STXBP5L: variants seen among roughly 807,000 people sequenced by gnomAD.
STXBP5L encodes the protein syntaxin-binding protein 5-like.
STXBP5L carries 65 observed loss-of-function variants against 144.5 expected under a neutral mutation model. The observed-to-expected ratio is 0.45, with a 90% CI of 0.37 to 0.55. The LOEUF (loss-of-function observed/expected upper bound fraction) is 0.55. STXBP5L is among the 20% of genes least tolerant of loss of function. The probability of loss-of-function intolerance (pLI) is 0.00; values close to 1 mark genes in which losing one functional copy is unlikely to be tolerated. For synonymous variants in STXBP5L, 505 were observed against 469.6 expected (o/e 1.08, Z -0.97); for missense variants, 1,298 against 1,405.5 (o/e 0.92, Z 1.22).
intron 3 of STXBP5L, among the ~76,000 whole-genome samples, chr3:120,961,038 A>G (rs1300315272): frequency 6.6e-6 from 1 of 152,006 alleles, no homozygotes; most frequent in Non-Finnish European, 1.5e-5. Flanking sequence ...ATTTCTTCAT[A>G]TTTCAATCTT....
rs186688940 is a variant in STXBP5L, at chr3:121,419,120, T to C, written c.*23T>C. The C allele has an allele frequency of 7.9e-5, 127 of 1,607,604 alleles. No individual in the cohort carries two copies. The African/African-American group carries it at 1.3e-3, about 17-fold the overall frequency. ...TGACTTCTAAAGAAGCTGTGACTGCTTTGAGAAACCATATTCAGGGAAACC... is the reference window on the plus strand; with the variant it reads ...TGACTTCTAAAGAAGCTGTGACTGCCTTGAGAAACCATATTCAGGGAAACC... On this transcript the variant is annotated 3_prime_UTR_variant, in exon 27 of 27. Coordinates refer to ENST00000471454, the MANE Select transcript of STXBP5L (RefSeq NM_001308330.2).
intron 4 of STXBP5L, 126 bp downstream of exon 4, chr3:121,041,907 A>G (rs548753492): frequency 3.2e-6 from 2 of 615,924 alleles, no homozygotes; most frequent in Non-Finnish European, 5.6e-6. Context: ...ATTACTTCTG[A>G]TTATATTTTT....
chr3:121,213,366 T>C (rs1238100464), intron 10 of STXBP5L, among the ~76,000 whole-genome samples: 1 of 152,222 alleles, frequency 6.6e-6, no homozygotes, highest in Non-Finnish European at 1.5e-5. Flanking sequence ...ATAGCTCTTA[T>C]TATTTTGAAA....
chr3:121,336,194 C>T (rs1388668276), intron 20 of STXBP5L, among the ~76,000 whole-genome samples: 2 of 152,210 alleles, frequency 1.3e-5, no homozygotes, highest in Non-Finnish European at 2.9e-5. Flanking sequence ...TAGAGAAATG[C>T]AAATCAAAAC....
intron 9 of STXBP5L, among the ~76,000 whole-genome samples, chr3:121,187,393 G>A (rs960877421): frequency 3.9e-5 from 5 of 129,520 alleles, no homozygotes; most frequent in Non-Finnish European, 8.0e-5. Context: ...ACACACTGGG[G>A]CCTGTTGTAG....
intron 5 of STXBP5L, among the ~76,000 whole-genome samples, chr3:121,065,674 C>T (rs2041509138): frequency 6.6e-6 from 1 of 152,132 alleles, no homozygotes; most frequent in Non-Finnish European, 1.5e-5. Context: ...TCCCAAGTAT[C>T]TGGAATATCT....
intron 12 of STXBP5L, among the ~76,000 whole-genome samples, chr3:121,235,467 T>C (rs910527537): frequency 1.3e-5 from 2 of 152,148 alleles, no homozygotes; most frequent in African/African-American, 4.8e-5. Context: ...TTTTGCCTAC[T>C]CTTTGCCAAT....
chr3:121,086,896 C>T (rs190194685), intron 5 of STXBP5L, among the ~76,000 whole-genome samples: 3 of 152,118 alleles, frequency 2.0e-5, no homozygotes, highest in Middle Eastern at 3.4e-3. Context: ...GATAAAATCA[C>T]CTAATGATGC....
intron 2 of STXBP5L, among the ~76,000 whole-genome samples, chr3:120,924,359 ACTT>A (rs1398911287): frequency 6.6e-6 from 1 of 152,178 alleles, no homozygotes; most frequent in Non-Finnish European, 1.5e-5. Flanking sequence ...CAGGCATAAG[ACTT>A]CTATTTATTC....
At chr3:121,282,249 T>C (rs1339200337) in intron 19 of STXBP5L, 4 of 1,607,942 alleles carry the variant, frequency 2.5e-6, no homozygotes, top group Non-Finnish European at 3.4e-6. Context: ...ATGCTGGTGG[T>C]CTGGCATGTT....
At chr3:121,187,104 C>T (rs748847001) in intron 9 of STXBP5L, among the ~76,000 whole-genome samples, 5 of 152,130 alleles carry the variant, frequency 3.3e-5, no homozygotes, top group Non-Finnish European at 5.9e-5. Context: ...GCTATAAAGA[C>T]ACATGCACAC....
intron 11 of STXBP5L, among the ~76,000 whole-genome samples, chr3:121,231,928 C>T (rs1221435826): frequency 6.6e-6 from 1 of 152,182 alleles, no homozygotes; most frequent in African/African-American, 2.4e-5. Flanking sequence ...TGAGTTTGAT[C>T]CACTCAAAGG....
chr3:121,308,821 G>A (rs1009515152), intron 19 of STXBP5L, among the ~76,000 whole-genome samples: 3 of 152,026 alleles, frequency 2.0e-5, no homozygotes, highest in Admixed American at 1.3e-4. Context: ...TTATTGGTTT[G>A]TAAAATATAT....
At chr3:121,137,246 T>TA (rs200007296) in intron 7 of STXBP5L, among the ~76,000 whole-genome samples, 1 of 140,424 alleles carries the variant, frequency 7.1e-6, no homozygotes, top group Admixed American at 7.0e-5. Flanking sequence ...TTGAAAAGAA[T>TA]AAAAAAAATG....
intron 19 of STXBP5L, among the ~76,000 whole-genome samples, chr3:121,308,255 TTAAAA>T (rs2043409677): frequency 6.6e-6 from 1 of 152,100 alleles, no homozygotes; most frequent in Non-Finnish European, 1.5e-5. Context: ...ATCCCAGAAC[TTAAAA>T]TAAAATTAAA....
At chr3:121,152,607 G>C in intron 8 of STXBP5L, 47 bp downstream of exon 8, 1 of 1,386,338 alleles carries the variant, frequency 7.2e-7, no homozygotes, top group Non-Finnish European at 1.0e-6. Context: ...GTGACGTTAT[G>C]CCTGTTTACT....
At chr3:121,364,393 A>G (rs2108645551) in intron 20 of STXBP5L, among the ~76,000 whole-genome samples, 1 of 152,102 alleles carries the variant, frequency 6.6e-6, no homozygotes, top group Middle Eastern at 3.4e-3. Flanking sequence ...AAATCTTCCA[A>G]CTTTATTCTT....
At chr3:121,286,505 C>T (rs1161212886) in intron 19 of STXBP5L, among the ~76,000 whole-genome samples, 2 of 152,020 alleles carry the variant, frequency 1.3e-5, no homozygotes, top group Admixed American at 1.3e-4. Context: ...TGGTCTTTTC[C>T]TTTCATTTAT....
At chr3:120,981,941 C>T (rs1478555396) in intron 3 of STXBP5L, among the ~76,000 whole-genome samples, 5 of 152,094 alleles carry the variant, frequency 3.3e-5, no homozygotes, top group Admixed American at 2.6e-4. Flanking sequence ...TGTATGAGTT[C>T]CTTGGTTATA....
Sources: allele counts gnomAD v4.1 joint callset (sites outside exome capture counted in the v4.1 genomes callset), GRCh38; gene constraint gnomAD v4.1.1; transcripts MANE v1.5; gene names NCBI Gene and HGNC (gene_info 2026-07-23, HGNC 2026-07-21).